TEX9: variants seen among roughly 807,000 people sequenced by gnomAD.
TEX9 encodes the protein testis-expressed protein 9.
In TEX9, 74 loss-of-function variants were observed where a neutral mutation model predicts 59.6. That is an observed-to-expected ratio of 1.24 (90% confidence interval 1.03 to 1.51). TEX9 has a LOEUF of 1.51. Among genes scored for constraint, TEX9 ranks in the 40% most tolerant of loss-of-function variants. The probability of loss-of-function intolerance (pLI) is 0.00; values close to 1 mark genes in which losing one functional copy is unlikely to be tolerated. For synonymous variants in TEX9, 186 were observed against 152.2 expected (o/e 1.22, Z -1.64); for missense variants, 522 against 447.8 (o/e 1.17, Z -1.49).
chr15:56,378,833 A>C (rs1596144474), intron 3 of TEX9, among the ~76,000 whole-genome samples: 1 of 152,102 alleles, frequency 6.6e-6, no homozygotes, highest in African/African-American at 2.4e-5. Context: ...TGGGAGGCCA[A>C]GGCACGTGAC....
chr15:56,405,112 C>T (rs1321187433), intron 9 of TEX9, among the ~76,000 whole-genome samples: 1 of 151,928 alleles, frequency 6.6e-6, no homozygotes, highest in South Asian at 2.1e-4. Context: ...CACATGTACC[C>T]TAGAACTTAA....
chr15:56,383,292 C>T (rs2047816211), intron 3 of TEX9, among the ~76,000 whole-genome samples: 1 of 152,186 alleles, frequency 6.6e-6, no homozygotes. Context: ...GTGGTGTCAG[C>T]TTTTTAAGTC....
chr15:56,339,404 A>AAAACAAAAC (rs1301170856), intron 1 of TEX9, among the ~76,000 whole-genome samples: 3,101 of 138,624 alleles, frequency 0.022, 163 homozygotes, highest in Admixed American at 0.041. Context: ...AAAAAAAAAA[A>AAAACAAAAC]AAAAAAAAAA....
chr15:56,428,160 T>TATTA (rs2050409231), intron 11 of TEX9, among the ~76,000 whole-genome samples: 1 of 152,064 alleles, frequency 6.6e-6, no homozygotes, highest in African/African-American at 2.4e-5. Flanking sequence ...ATTATAGAAT[T>TATTA]ATTATTATCT....
intron 1 of TEX9, among the ~76,000 whole-genome samples, chr15:56,312,244 C>A (rs2045639234): frequency 7.1e-6 from 1 of 140,788 alleles, no homozygotes. Flanking sequence ...AATGGTAATG[C>A]CTAGGTTTTC....
rs185054979 is a variant in TEX9 at position 56,269,515 on chromosome 15, G to A, written c.-107+25237G>A. ...AAATGTGTCCCAGAGATTCTGGTAC[G>A]TTATGCCTTTGTTCTCATTGGTTTC... On this transcript the variant is annotated intron_variant, in intron 1 of 5. Transcript: ENST00000560827. Among the ~76,000 whole-genome samples the A allele has an allele frequency of 3.2e-3, 489 of 152,226 alleles. 1 individual carries two copies. Among genetic ancestry groups the A allele is most frequent in the Non-Finnish European group, 5.0e-3 (339 of 68,028 alleles).
intron 3 of TEX9, among the ~76,000 whole-genome samples, chr15:56,380,210 G>A (rs1185454104): frequency 1.3e-5 from 2 of 151,998 alleles, no homozygotes; most frequent in Non-Finnish European, 2.9e-5. Flanking sequence ...GTTACTGTGA[G>A]GCTTGCAAAT....
At chr15:56,287,469 T>C (rs2044980645) in intron 1 of TEX9, among the ~76,000 whole-genome samples, 1 of 152,208 alleles carries the variant, frequency 6.6e-6, no homozygotes, top group African/African-American at 2.4e-5. Flanking sequence ...AATATATGTA[T>C]ACATCATAGA....
At position 56,317,550 on chromosome 15, in the gene TEX9, T is replaced by C. The variant is rs578053611; in HGVS notation, c.-106-55891T>C. Among the ~76,000 whole-genome samples, 31 of 152,322 alleles carry C rather than the reference T, an allele frequency of 2.0e-4. 1 individual carries two copies. In the South Asian group the frequency reaches 6.4e-3, roughly 32 times the overall value. ...TATGTATTTCTACTCTAATCTTTATTATTTTCTTCCTTCTACTTGCTTTGA... is the reference window on the plus strand; with the variant it reads ...TATGTATTTCTACTCTAATCTTTATCATTTTCTTCCTTCTACTTGCTTTGA... On this transcript the variant is annotated intron_variant, in intron 1 of 5. Coordinates refer to the TEX9 transcript ENST00000560827.
intron 1 of TEX9, among the ~76,000 whole-genome samples, chr15:56,283,201 TC>T (rs1261823408): frequency 6.6e-6 from 1 of 152,112 alleles, no homozygotes; most frequent in African/African-American, 2.4e-5. Flanking sequence ...TTGCTTTATA[TC>T]CTTTATATTA....
intron 3 of TEX9, among the ~76,000 whole-genome samples, chr15:56,378,645 A>T (rs889469446): frequency 5.8e-4 from 87 of 148,968 alleles, no homozygotes; most frequent in African/African-American, 2.0e-3. Context: ...GCTCATCTTT[A>T]AAAAAAACCA....
chr15:56,247,970 A>C (rs1333950357), intron 1 of TEX9, among the ~76,000 whole-genome samples: 3 of 152,234 alleles, frequency 2.0e-5, no homozygotes, highest in African/African-American at 7.2e-5. Context: ...GAACAAGGAA[A>C]GAAGGCTTTT....
chr15:56,253,654 T>C (rs1032209946), intron 1 of TEX9, among the ~76,000 whole-genome samples: 1 of 152,090 alleles, frequency 6.6e-6, no homozygotes, highest in Non-Finnish European at 1.5e-5. Context: ...CTGAACAGGC[T>C]ACTCAGCAGT....
chr15:56,311,964 G>T (rs1378219057), intron 1 of TEX9, among the ~76,000 whole-genome samples: 1 of 149,752 alleles, frequency 6.7e-6, no homozygotes, highest in Non-Finnish European at 1.5e-5. Flanking sequence ...GTCTGTTCAT[G>T]TCCTTTGCCC....
At chr15:56,367,762 A>G (rs1052780035) in intron 2 of TEX9, among the ~76,000 whole-genome samples, 1 of 152,200 alleles carries the variant, frequency 6.6e-6, no homozygotes, top group Non-Finnish European at 1.5e-5. Context: ...TCTTGCGTAT[A>G]TAATTTGCTT....
chr15:56,438,831 G>T (rs2050772045), intron 12 of TEX9, among the ~76,000 whole-genome samples: 2 of 152,206 alleles, frequency 1.3e-5, no homozygotes, highest in South Asian at 4.2e-4. Context: ...GTGGGCGAAG[G>T]ATATGAATAG....
intron 1 of TEX9, among the ~76,000 whole-genome samples, chr15:56,260,979 A>C (rs2044252550): frequency 1.3e-5 from 2 of 151,786 alleles, no homozygotes; most frequent in South Asian, 4.1e-4. Context: ...GATTTTATAT[A>C]AATTATTCAT....
At chr15:56,419,725 G>T (rs76683196) in intron 10 of TEX9, among the ~76,000 whole-genome samples, 8,903 of 151,658 alleles carry the variant, frequency 0.059, 722 homozygotes, top group East Asian at 0.37. Flanking sequence ...TTCATCTTTA[G>T]GTTTTTTGGT....
intron 9 of TEX9, among the ~76,000 whole-genome samples, chr15:56,412,052 G>A (rs1247696132): frequency 6.6e-6 from 1 of 151,966 alleles, no homozygotes; most frequent in Non-Finnish European, 1.5e-5. Flanking sequence ...AATTCCAAAC[G>A]AAAAGTAATT....
Sources: gnomAD v4.1 joint callset for allele counts (sites outside exome capture counted in the v4.1 genomes callset) on GRCh38, gnomAD v4.1.1 for gene constraint, MANE v1.5 for transcripts, NCBI Gene and HGNC (gene_info 2026-07-23, HGNC 2026-07-21) for gene names.